RASA3: variants seen among roughly 807,000 people sequenced by gnomAD.
The protein encoded by RASA3 is RAS p21 protein activator 3, also known as ras GTPase-activating protein 3.
RASA3 carries 73 observed loss-of-function variants against 110.0 expected under a neutral mutation model. That is an observed-to-expected ratio of 0.66 (90% CI 0.55 to 0.81). The LOEUF (loss-of-function observed/expected upper bound fraction) is 0.81, where lower values mean the gene tolerates loss of function less well. Ranked by LOEUF, RASA3 falls within the 30% of genes least tolerant of loss-of-function variation. RASA3 has a pLI of 0.00. For missense variants in RASA3, 976 were observed against 1,113.2 expected (o/e 0.88, Z 1.75); for synonymous variants, 500 against 451.4 (o/e 1.11, Z -1.37).
At chr13:114,062,325 T>C (rs527690571) in intron 2 of RASA3, among the ~76,000 whole-genome samples, 1 of 151,634 alleles carries the variant, frequency 6.6e-6, no homozygotes, top group African/African-American at 2.4e-5. Context: ...GAGGGGGGGC[T>C]CGCATTGTAC....
intron 3 of RASA3, among the ~76,000 whole-genome samples, chr13:114,042,242 G>A (rs1050040320): frequency 3.3e-5 from 5 of 149,662 alleles, no homozygotes; most frequent in African/African-American, 7.3e-5. Flanking sequence ...CCCATCCTGC[G>A]TCCCTTCATG....
At position 114,118,125 on chromosome 13, in the gene RASA3, T is replaced by C. The variant is rs116516238; in HGVS notation, c.55+14310A>G. On this transcript the variant is annotated intron_variant, in intron 1 of 23. Transcript: ENST00000334062. ...CTGAAAATTCTCATTATGAGTCTCA[T>C]AAATACGTGGCCACGTTCATGGGTT... Among the ~76,000 whole-genome samples the C allele has an allele frequency of 7.5e-3, 1,149 of 152,202 alleles. 13 individuals carry two copies. The highest frequency in any genetic ancestry group is 0.026 in the African/African-American group (1,086 of 41,512).
intron 1 of RASA3, among the ~76,000 whole-genome samples, chr13:114,074,376 C>G (rs994932866): frequency 3.3e-5 from 5 of 152,184 alleles, no homozygotes; most frequent in Non-Finnish European, 5.9e-5. Context: ...ATCCACAGGA[C>G]GTGTCCTTTC....
chr13:114,019,074 G>A (rs1375538531), intron 9 of RASA3, among the ~76,000 whole-genome samples, 155 bp from the exon 10 acceptor site: 1 of 152,102 alleles, frequency 6.6e-6, no homozygotes, highest in Non-Finnish European at 1.5e-5. Context: ...CCCCACCGAA[G>A]ACCCCCAGCA....
At chr13:114,049,312 C>T (rs1288246649) in intron 3 of RASA3, among the ~76,000 whole-genome samples, 1 of 152,066 alleles carries the variant, frequency 6.6e-6, no homozygotes, top group Admixed American at 6.6e-5. Context: ...AAAGATAAAT[C>T]GTTACCGGAG....
rs1221846744 is a variant in RASA3 at position 114,057,384 on chromosome 13, CA to C, written c.174-5230del. 1 of 985,262 alleles carries C rather than the reference CA, an allele frequency of 1.0e-6. No homozygotes were observed. Among genetic ancestry groups the C allele is most frequent in the African/African-American group, 1.7e-5 (1 of 57,216 alleles). 61.0% of individuals were successfully genotyped at this position (985,262 alleles called of 1,614,324 possible). A position where few individuals can be genotyped will look rare whatever the true frequency, so the allele number is the denominator to read the frequency against. On this transcript the variant is annotated intron_variant, in intron 2 of 23. Coordinates refer to ENST00000334062, the MANE Select transcript of RASA3 (RefSeq NM_007368.4). The surrounding 1 kb of genome is among the most constrained non-coding windows in gnomAD (Gnocchi z 5.0). The stretch of plus-strand genomic sequence containing the variant: ...TGGACGAGCAGAAGGCATTGCAGGG[CA>C]GTGGGGTCCGGAGAGGCGGCCGTGC...
In RASA3 at chr13:113,996,592, C is replaced by T. The variant is rs931355673; in HGVS notation, c.2080G>A (p.Gly694Ser). ...GGCGCCCTACAGCACAGCCAGTGGC[C>T]GCTCAGGTAGGCGGACGGGTGGTAG... ...TVYHPSAYLS[G>S]HWLCCRAPSD... Residue 694 changes from glycine (G) to serine (S), a missense_variant, in exon 21 of 24, where the codon GGC becomes AGC. Around this residue, in one of 4 missense-constraint regions of RASA3, gnomAD observed 109 missense variants for 162.5 expected, o/e 0.67. Transcript: ENST00000334062. 2.5e-6 allele frequency: 4 copies of T among 1,613,562 alleles called. No homozygotes were observed. Among genetic ancestry groups the T allele is most frequent in the Non-Finnish European group, 1.7e-6 (2 of 1,180,024 alleles).
chr13:114,050,903 A>C (rs2139547266), intron 3 of RASA3, among the ~76,000 whole-genome samples: 1 of 152,294 alleles, frequency 6.6e-6, no homozygotes, highest in East Asian at 1.9e-4. Flanking sequence ...CAGATCACAG[A>C]TCCTGGTCCA....
At chr13:114,072,250 T>C (rs867725478) in intron 2 of RASA3, among the ~76,000 whole-genome samples, 2 of 152,178 alleles carry the variant, frequency 1.3e-5, no homozygotes, top group East Asian at 1.9e-4. Flanking sequence ...TCAACTGCAG[T>C]GGTCCTCCGA....
chr13:114,063,324 T>C (rs2079392789), intron 2 of RASA3, among the ~76,000 whole-genome samples: 4 of 150,512 alleles, frequency 2.7e-5, no homozygotes, highest in Admixed American at 2.7e-4. Flanking sequence ...GTTTAAAATA[T>C]ACAAAATATA....
intron 2 of RASA3, among the ~76,000 whole-genome samples, chr13:114,071,591 G>C (rs190402689): frequency 6.6e-6 from 1 of 152,180 alleles, no homozygotes; most frequent in African/African-American, 2.4e-5. Flanking sequence ...CCCAGTCATC[G>C]CCATGGCAAC....
chr13:113,998,633 A>C (rs913537891), intron 20 of RASA3, among the ~76,000 whole-genome samples: 1 of 152,258 alleles, frequency 6.6e-6, no homozygotes, highest in African/African-American at 2.4e-5. Context: ...CTGGGAGGCC[A>C]CCACACAATG....
At chr13:113,982,682 C>T (rs1256957645) in intron 22 of RASA3, among the ~76,000 whole-genome samples, 1 of 152,234 alleles carries the variant, frequency 6.6e-6, no homozygotes, top group Non-Finnish European at 1.5e-5. Context: ...ATGTTTGTGC[C>T]CCCAAATCTG....
chr13:114,037,968 G>C (rs2054311921), intron 4 of RASA3, among the ~76,000 whole-genome samples: 1 of 151,960 alleles, frequency 6.6e-6, no homozygotes, highest in Admixed American at 6.6e-5. Flanking sequence ...CGGGAGAAGG[G>C]AGCACGGCCT....
At chr13:114,091,436 T>C (rs2079888652) in intron 1 of RASA3, among the ~76,000 whole-genome samples, 1 of 151,718 alleles carries the variant, frequency 6.6e-6, no homozygotes, top group African/African-American at 2.4e-5. Context: ...GATGCTGAAT[T>C]GTATCAAATG....
At position 114,132,047 on chromosome 13, in the gene RASA3, C is replaced by G. The variant is rs577994582; in HGVS notation, c.55+388G>C. 3.3e-5 allele frequency among the ~76,000 whole-genome samples: 5 copies of G among 152,258 alleles called. No individual in the cohort carries two copies. In the South Asian group the frequency reaches 1.0e-3, roughly 32 times the overall value. On this transcript the variant is annotated intron_variant, in intron 1 of 23. Transcript: ENST00000334062. Reference sequence around the variant, plus strand: ...GACCCCGACGTCAGTGGATTTGACACCTGAAGTGCAGGCGCCCAGACAGCC... The same window carrying G: ...GACCCCGACGTCAGTGGATTTGACAGCTGAAGTGCAGGCGCCCAGACAGCC...
intron 17 of RASA3, among the ~76,000 whole-genome samples, chr13:114,008,557 C>A (rs961527795): frequency 9.8e-5 from 4 of 40,758 alleles, no homozygotes; most frequent in East Asian, 7.8e-4. Context: ...ATATTCCCCC[C>A]ACGCACCGCG....
In RASA3 at chr13:113,999,565, C is replaced by G; in HGVS notation, c.1932+20G>C. 1 of 1,610,972 alleles carries G rather than the reference C, an allele frequency of 6.2e-7. No homozygotes were observed. The highest frequency in any genetic ancestry group is 2.2e-5 in the East Asian group (1 of 44,764). ...GCCAGGCCTCAACCCGAAAGAGAGG[C>G]TTGGGGGCCCCACACTCACGTTTTT... On this transcript the variant is annotated intron_variant, in intron 20 of 23. Transcript: ENST00000334062.
intron 1 of RASA3, among the ~76,000 whole-genome samples, chr13:114,109,870 G>A (rs9525181): frequency 0.31 from 46,663 of 152,206 alleles, 8,454 homozygotes; most frequent in Non-Finnish European, 0.41. Context: ...ACTCAGCATC[G>A]TGTGGGTCTA....
Sources: allele counts gnomAD v4.1 joint callset (sites outside exome capture counted in the v4.1 genomes callset), GRCh38; gene constraint gnomAD v4.1.1; regional missense constraint gnomAD v4.1.1; non-coding constraint Gnocchi (gnomAD v3.1); transcripts MANE v1.5; gene names NCBI Gene and HGNC (gene_info 2026-07-23, HGNC 2026-07-21).